The following USP21 variants were observed in gnomAD, a reference collection of about 807,000 sequenced individuals.
USP21 encodes ubiquitin carboxyl-terminal hydrolase 21.
In USP21, 37 loss-of-function variants were observed where a neutral mutation model predicts 70.8. The ratio of observed to expected loss-of-function variants is 0.52; its 90% CI spans 0.40 to 0.69. USP21 has a LOEUF of 0.69. Ranked by LOEUF, USP21 falls within the 30% of genes least tolerant of loss-of-function variation. The probability of loss-of-function intolerance (pLI) is 0.00; values close to 1 mark genes in which losing one functional copy is unlikely to be tolerated. For synonymous variants in USP21, 263 were observed against 283.1 expected (o/e 0.93, Z 0.71); for missense variants, 584 against 740.8 (o/e 0.79, Z 2.46).
rs1252395886 is a variant in USP21 at position 161,159,695 on chromosome 1, T to A, written c.-163+17T>A. ...GGGGGACAGGTACGGGCCGGGGCGT[T>A]ATGGCATGGCGGGGTGTGGGGGGGC... is the stretch of plus-strand genomic sequence containing the variant. On this transcript the variant is annotated intron_variant, in intron 1 of 13. Coordinates refer to ENST00000368002, the MANE Select transcript of USP21 (RefSeq NM_001014443.3). 2.0e-5 allele frequency: 3 copies of A among 149,342 alleles called. No individual in the cohort carries two copies. The highest frequency in any genetic ancestry group is 7.5e-5 in the African/African-American group (3 of 40,192). 9.3% of individuals were successfully genotyped at this position (149,342 alleles called of 1,614,324 possible).
At position 161,160,724 on chromosome 1, in the gene USP21, A is replaced by C; in HGVS notation, c.84A>C (p.Pro28=). The C allele has an allele frequency of 1.2e-6, 2 of 1,614,018 alleles. No individual in the cohort carries two copies. Among genetic ancestry groups the C allele is most frequent in the South Asian group, 1.1e-5 (1 of 91,082 alleles). ...AGCCCCGAGTGGGATCCAAGCTACC[A>C]TTTGCCCCCAGGGCCCGCAGCAAGG... ...NIQPRVGSKL[P]FAPRARSKER... is the part of the protein sequence containing the mutation. The change falls in exon 3 of 14, where the codon CCA becomes CCC. Residue 28 remains proline, a synonymous_variant. Coordinates refer to ENST00000368002, the MANE Select transcript of USP21 (RefSeq NM_001014443.3).
At position 161,160,395 on chromosome 1, in the gene USP21, G is replaced by A; in HGVS notation, c.-133G>A. The A allele has an allele frequency of 1.7e-6, 1 of 581,662 alleles. No individual in the cohort carries two copies. The highest frequency in any genetic ancestry group is 3.1e-5 in the Admixed American group (1 of 32,472). 36.0% of individuals were successfully genotyped at this position (581,662 alleles called of 1,614,324 possible). The stretch of plus-strand genomic sequence containing the variant: ...TGGGGATACGATGGCTGATTCGATA[G>A]ATCTGGTTCCTGCCCTCAGTGCGTA... On this transcript the variant is annotated 5_prime_UTR_variant, in exon 2 of 14. Transcript: ENST00000368002.
rs1571277367 is a variant in USP21, at chr1:161,160,824, C to T, written c.184C>T (p.Arg62Trp). 2.5e-6 allele frequency: 4 copies of T among 1,614,098 alleles called. No homozygotes were observed. Among genetic ancestry groups the T allele is most frequent in the Non-Finnish European group, 3.4e-6 (4 of 1,180,052 alleles). Residue 62 changes from arginine to tryptophan, a missense_variant, in exon 3 of 14, where the codon CGG becomes TGG. This residue lies in a region of USP21 where 284 missense variants were observed against 281.0 expected (regional missense o/e 1.01). Coordinates refer to ENST00000368002, the MANE Select transcript of USP21 (RefSeq NM_001014443.3). ...LPPRPGLPDE[R>W]LKKLELGRGR... is the part of the protein sequence containing the mutation. ...TCCCCGGCCAGGTCTGCCTGATGAA[C>T]GGCTCAAGAAACTGGAGCTGGGACG...
chr1:161,161,203 C>T lies in USP21; in HGVS notation c.563C>T (p.Ala188Val). Residue 188 changes from alanine (A) to valine (V), a missense_variant, in exon 3 of 14, where the codon GCC (alanine) becomes GTC (valine). Transcript: ENST00000368002. The surrounding 1 kb of genome is among the most constrained non-coding windows in gnomAD (Gnocchi z 4.2). ...CATGGCTCCTTCCACATGATATCCGCCCGGTCCTCTGAGCCTTTCTACTCT... is the reference window on the plus strand; with the variant it reads ...CATGGCTCCTTCCACATGATATCCGTCCGGTCCTCTGAGCCTTTCTACTCT... ...ASHGSFHMIS[A>V]RSSEPFYSDD... is the part of the protein sequence containing the mutation. 5.0e-6 allele frequency: 8 copies of T among 1,611,318 alleles called. No individual in the cohort carries two copies. The highest frequency in any genetic ancestry group is 6.8e-6 in the Non-Finnish European group (8 of 1,178,298).
At position 161,163,920 on chromosome 1, in the gene USP21, C is replaced by T. The variant is rs1306960209; in HGVS notation, c.1157C>T (p.Ala386Val). Residue 386 changes from alanine to valine, a missense_variant, in exon 9 of 14, where the codon GCC becomes GTC. Physicochemically the swap from Ala to Val is moderately conservative, Grantham distance 64. Around this residue, in one of 4 missense-constraint regions of USP21, gnomAD observed 173 missense variants for 268.2 expected, o/e 0.65. Transcript: ENST00000368002. ...GQLKSCLKCQ[A>V]CGYRSTTFEV... ...TTGAAAAGTTGTCTCAAGTGCCAGG[C>T]CTGTGGGTATCGCTCCACGACCTTC... is the stretch of plus-strand genomic sequence containing the variant. 6.2e-7 allele frequency: 1 copy of T among 1,614,142 alleles called. No individual in the cohort carries two copies. Among genetic ancestry groups the T allele is most frequent in the Admixed American group, 1.7e-5 (1 of 60,014 alleles).
chr1:161,161,050 C>G lies in USP21; in HGVS notation c.410C>G (p.Ala137Gly), dbSNP rs766259751. Residue 137 changes from alanine (A) to glycine (G), a missense_variant, in exon 3 of 14, where the codon GCT becomes GGT. This residue lies in a region of USP21 where 284 missense variants were observed against 281.0 expected (regional missense o/e 1.01). Transcript: ENST00000368002. This position sits in a 1 kb window ranked among gnomAD's most constrained non-coding sequence, Gnocchi z 4.2. ...GGHRGTGELG[A>G]ALSRLALRPE... ...CACCGTGGCACCGGAGAGCTTGGGG[C>G]TGCACTGAGCCGCTTGGCCCTCCGG... The G allele has an allele frequency of 1.1e-5, 18 of 1,614,134 alleles. No homozygotes were observed. In the South Asian group the frequency reaches 2.0e-4, roughly 18 times the overall value.
chr1:161,160,832 G>A lies in USP21; in HGVS notation c.192G>A (p.Lys64=), dbSNP rs560488704. The change falls in exon 3 of 14, where the codon AAG becomes AAA. Residue 64 remains lysine, a synonymous_variant. Coordinates refer to ENST00000368002, the MANE Select transcript of USP21 (RefSeq NM_001014443.3). ...CAGGTCTGCCTGATGAACGGCTCAA[G>A]AAACTGGAGCTGGGACGGGGACGGA... The part of the protein sequence containing the change: ...PRPGLPDERL[K]KLELGRGRTS... The A allele has an allele frequency of 1.9e-6, 3 of 1,614,244 alleles. No homozygotes were observed. Among genetic ancestry groups the A allele is most frequent in the African/African-American group, 1.3e-5 (1 of 75,068 alleles).
rs151044234 is a variant in USP21, at chr1:161,161,074, G to A, written c.434G>A (p.Arg145Gln). Reference protein sequence around the residue: ...LGAALSRLALRPEPPTLRRST... With the variant: ...LGAALSRLALQPEPPTLRRST... ...GCTGCACTGAGCCGCTTGGCCCTCC[G>A]GCCTGAGCCACCCACTTTGAGACGT... Residue 145 changes from arginine to glutamine, a missense_variant, in exon 3 of 14, where the codon CGG becomes CAG. This residue lies in a region of USP21 where 284 missense variants were observed against 281.0 expected (regional missense o/e 1.01). Transcript: ENST00000368002. The surrounding 1 kb of genome is among the most constrained non-coding windows in gnomAD (Gnocchi z 4.2). 72 of 1,614,100 alleles carry A rather than the reference G, an allele frequency of 4.5e-5. No homozygotes were observed. Among genetic ancestry groups the A allele is most frequent in the African/African-American group, 5.3e-5 (4 of 74,932 alleles).
Position 161,163,058 on chromosome 1 carries a change from G to A in USP21, c.1033G>A (p.Glu345Lys), listed in dbSNP as rs757904173. ...SPPRRGGALL[E>K]EPELSDDDRA... ...ACCCCGCCGAGGAGGGGCTCTGCTA[G>A]AAGAACCTGAGTTAAGGTAAGGGTC... The change falls in exon 7 of 14, where the codon GAA becomes AAA. Residue 345 changes from glutamate to lysine, a missense_variant. Transcript: ENST00000368002. The A allele has an allele frequency of 6.8e-6, 11 of 1,606,160 alleles. No homozygotes were observed.
In USP21 at chr1:161,164,510, T is replaced by A. The variant is rs747613663; in HGVS notation, c.1306-24T>A. On this transcript the variant is annotated intron_variant, in intron 10 of 13. Coordinates refer to ENST00000368002, the MANE Select transcript of USP21 (RefSeq NM_001014443.3). The surrounding 1 kb of genome is among the most constrained non-coding windows in gnomAD (Gnocchi z 4.2). ...AATTGAGGTTAGGAGCATATTAACC[T>A]AACACTGTTTGCCATTTATTCAGGT... is the stretch of plus-strand genomic sequence containing the variant. 3 of 1,614,118 alleles carry A rather than the reference T, an allele frequency of 1.9e-6. No individual in the cohort carries two copies. The South Asian group carries it at 3.3e-5, about 18-fold the overall frequency.
Position 161,163,013 on chromosome 1 carries a change from A to G in USP21, c.988A>G (p.Asn330Asp). The G allele has an allele frequency of 6.2e-7, 1 of 1,613,946 alleles. No individual in the cohort carries two copies. The highest frequency in any genetic ancestry group is 8.5e-7 in the Non-Finnish European group (1 of 1,179,936). Residue 330 changes from asparagine (N) to aspartate (D), a missense_variant, in exon 7 of 14, where the codon AAT (asparagine) becomes GAT (aspartate). This residue lies in a region of USP21 where 40 missense variants were observed against 29.3 expected (regional missense o/e 1.37). Coordinates refer to ENST00000368002, the MANE Select transcript of USP21 (RefSeq NM_001014443.3). ...RGRRAPPILA[N>D]GPVPSPPRRG... The stretch of plus-strand genomic sequence containing the variant: ...CCGCCGGGCTCCACCGATACTTGCC[A>G]ATGGTCCAGTTCCCTCTCCACCCCG...
Position 161,161,886 on chromosome 1 carries a change from A to T in USP21, c.601-152A>T. The T allele has an allele frequency of 1.4e-6, 1 of 733,720 alleles. No individual in the cohort carries two copies. Among genetic ancestry groups the T allele is most frequent in the South Asian group, 1.6e-5 (1 of 62,244 alleles). The allele number at this position is 733,720 out of a possible 1,614,324, so 45.5% of individuals were successfully genotyped here. ...GCTTACTGCTCATGACCAGTGAGGT[A>T]GGGAGACTAGAATACCTAGTGAGGG... On this transcript the variant is annotated intron_variant, in intron 3 of 13. Transcript: ENST00000368002. This position sits in a 1 kb window ranked among gnomAD's most constrained non-coding sequence, Gnocchi z 4.2.
Position 161,162,266 on chromosome 1 carries a change from C to T in USP21, c.661-4C>T. ...ATAACAGCAGTGTCCCTACTGCTCC[C>T]CAGTGCTTCCTGAATGCTGTGCTGC... On this transcript the variant is annotated splice_polypyrimidine_tract_variant and splice_region_variant and intron_variant, in intron 4 of 13. Coordinates refer to ENST00000368002, the MANE Select transcript of USP21 (RefSeq NM_001014443.3). The surrounding 1 kb of genome is among the most constrained non-coding windows in gnomAD (Gnocchi z 4.1). The T allele has an allele frequency of 6.2e-7, 1 of 1,607,498 alleles. No individual in the cohort carries two copies. The highest frequency in any genetic ancestry group is 2.2e-5 in the East Asian group (1 of 44,760).
In USP21 at chr1:161,162,312, C is replaced by T. The variant is rs768041063; in HGVS notation, c.703C>T (p.Pro235Ser). 3.7e-6 allele frequency: 6 copies of T among 1,613,384 alleles called. No homozygotes were observed. In the South Asian group the frequency reaches 4.4e-5, roughly 12 times the overall value. ...AVLQCLSSTR[P>S]LRDFCLRRDF... ...GCTGCAGTGTCTGAGCAGCACTCGA[C>T]CTCTTCGGGACTTCTGTCTGAGAAG... The change falls in exon 5 of 14, where the codon CCT becomes TCT. Residue 235 changes from proline to serine, a missense_variant. This residue lies in a region of USP21 where 87 missense variants were observed against 162.4 expected (regional missense o/e 0.54). Transcript: ENST00000368002. This position sits in a 1 kb window ranked among gnomAD's most constrained non-coding sequence, Gnocchi z 4.1.
Position 161,163,538 on chromosome 1 carries a change from C to T in USP21, c.1050-17C>T, listed in dbSNP as rs200708995. 2.0e-5 allele frequency: 32 copies of T among 1,613,604 alleles called. No individual in the cohort carries two copies. The highest frequency in any genetic ancestry group is 2.5e-5 in the Non-Finnish European group (30 of 1,179,800). On this transcript the variant is annotated splice_polypyrimidine_tract_variant and intron_variant, in intron 7 of 13. Transcript: ENST00000368002. The stretch of plus-strand genomic sequence containing the variant: ...GCTGTCTCATGGGTGCTCCCCACTT[C>T]CTTTGATCTGTGGTAGTGATGATGA...
intron 8 of USP21, 124 bp downstream of exon 8, chr1:161,163,743 G>A (rs1658138359): frequency 7.4e-7 from 1 of 1,347,236 alleles, no homozygotes; most frequent in Admixed American, 1.7e-5. Flanking sequence ...GTGAAGCTGT[G>A]TGAAGAGTTG....
In USP21 at chr1:161,161,985, A is replaced by G; in HGVS notation, c.601-53A>G. On this transcript the variant is annotated intron_variant, in intron 3 of 13. Coordinates refer to ENST00000368002, the MANE Select transcript of USP21 (RefSeq NM_001014443.3). The surrounding 1 kb of genome is among the most constrained non-coding windows in gnomAD (Gnocchi z 4.2). ...GTGGGCAGCATGCTGTTGAAAGGTTAAAGTGCCAGGTAGGATATATAGGAA... is the reference window on the plus strand; with the variant it reads ...GTGGGCAGCATGCTGTTGAAAGGTTGAAGTGCCAGGTAGGATATATAGGAA... 1 of 1,577,762 alleles carries G rather than the reference A, an allele frequency of 6.3e-7. No individual in the cohort carries two copies. The highest frequency in any genetic ancestry group is 2.2e-5 in the East Asian group (1 of 44,726).
At position 161,163,049 on chromosome 1, in the gene USP21, G is replaced by A; in HGVS notation, c.1024G>A (p.Ala342Thr). The change falls in exon 7 of 14, where the codon GCT (alanine) becomes ACT (threonine). Residue 342 changes from alanine to threonine, a missense_variant. By Grantham distance (58) the Ala-to-Thr change is moderately conservative. Coordinates refer to ENST00000368002, the MANE Select transcript of USP21 (RefSeq NM_001014443.3). ...PVPSPPRRGG[A>T]LLEEPELSDD... ...TCCCTCTCCACCCCGCCGAGGAGGGGCTCTGCTAGAAGAACCTGAGTTAAG... is the reference window on the plus strand; with the variant it reads ...TCCCTCTCCACCCCGCCGAGGAGGGACTCTGCTAGAAGAACCTGAGTTAAG... The A allele has an allele frequency of 6.2e-7, 1 of 1,609,634 alleles. No individual in the cohort carries two copies. Among genetic ancestry groups the A allele is most frequent in the Admixed American group, 1.7e-5 (1 of 58,238 alleles).
Position 161,162,988 on chromosome 1 carries a change from CCGCCGG to C in USP21, c.964_969del (p.Arg322_Arg323del), listed in dbSNP as rs1279356912. Reference sequence around the variant, plus strand: ...TACACCTTGAAATCAACCGCCGAGGCCGCCGGGCTCCACCGATACTTGCCAATGGTC... The same window carrying C: ...TACACCTTGAAATCAACCGCCGAGGCGCTCCACCGATACTTGCCAATGGTC... On this transcript the variant is annotated inframe_deletion, in exon 7 of 14. Transcript: ENST00000368002. This position sits in a 1 kb window ranked among gnomAD's most constrained non-coding sequence, Gnocchi z 4.1. The C allele has an allele frequency of 6.2e-7, 1 of 1,613,960 alleles. No homozygotes were observed. The highest frequency in any genetic ancestry group is 1.1e-5 in the South Asian group (1 of 91,070).
Sources: gnomAD v4.1 joint callset for allele counts on GRCh38, gnomAD v4.1.1 for gene constraint, gnomAD v4.1.1 regional missense constraint, Gnocchi (gnomAD v3.1) non-coding constraint, MANE v1.5 for transcripts, NCBI Gene and HGNC (gene_info 2026-07-23, HGNC 2026-07-21) for gene names.